ZFHX3: variants seen among roughly 807,000 people sequenced by gnomAD.
ZFHX3 encodes zinc finger homeobox protein 3.
ZFHX3 carries 42 observed loss-of-function variants against 279.1 expected under a neutral mutation model. That is an observed-to-expected ratio of 0.15 (90% CI 0.12 to 0.19). ZFHX3 has a LOEUF of 0.19. Ranked by LOEUF, ZFHX3 falls within the 10% of genes least tolerant of loss-of-function variation. The pLI is 1.00. For missense variants in ZFHX3, 4,981 were observed against 4,754.0 expected (o/e 1.05, Z -1.40); for synonymous variants, 2,293 against 1,957.8 (o/e 1.17, Z -4.52).
chr16:73,421,520 T>G (rs2017718445), intron 3 of ZFHX3: 1 of 152,228 alleles, frequency 6.6e-6, no homozygotes, highest in African/African-American at 2.4e-5. Flanking sequence ...ACATCCGTAT[T>G]TCATTTATAG....
At chr16:73,661,675 T>C (rs1298635745) in intron 2 of ZFHX3, among the ~76,000 whole-genome samples, 1 of 142,282 alleles carries the variant, frequency 7.0e-6, no homozygotes, top group Non-Finnish European at 1.5e-5. Context: ...TGAGTTGAGA[T>C]CCTGCCTCTG....
chr16:73,783,020 T>C (rs963810050), intron 1 of ZFHX3, among the ~76,000 whole-genome samples: 4 of 152,142 alleles, frequency 2.6e-5, no homozygotes, highest in Non-Finnish European at 5.9e-5. Context: ...TGGGGCAATA[T>C]GGAAGTGCTA....
intron 2 of ZFHX3, among the ~76,000 whole-genome samples, chr16:73,580,478 A>C (rs1044506951): frequency 6.9e-6 from 1 of 144,362 alleles, no homozygotes; most frequent in Non-Finnish European, 1.5e-5. Context: ...CTCCGTCTCA[A>C]AAAAACAAAA....
chr16:73,360,122 G>T (rs1040615492), intron 3 of ZFHX3, among the ~76,000 whole-genome samples: 1 of 152,146 alleles, frequency 6.6e-6, no homozygotes, highest in Non-Finnish European at 1.5e-5. Context: ...TGTGCCTCAG[G>T]TTCCTTACAG....
chr16:73,345,612 T>TA (rs2016109934), intron 3 of ZFHX3, among the ~76,000 whole-genome samples: 1 of 152,228 alleles, frequency 6.6e-6, no homozygotes, highest in Non-Finnish European at 1.5e-5. Context: ...GGTGTATATG[T>TA]ACCACATTTT....
intron 4 of ZFHX3, among the ~76,000 whole-genome samples, chr16:72,834,525 A>G (rs954702662): frequency 2.0e-5 from 3 of 152,194 alleles, no homozygotes; most frequent in Non-Finnish European, 4.4e-5. Flanking sequence ...ATGCAAATTG[A>G]TCTCTTAATA....
At chr16:73,879,482 T>G (rs2030072019) in intron 1 of ZFHX3, among the ~76,000 whole-genome samples, 2 of 152,110 alleles carry the variant, frequency 1.3e-5, no homozygotes, top group Non-Finnish European at 2.9e-5. Flanking sequence ...CCTTTCATTC[T>G]GGTTGGTTCG....
intron 2 of ZFHX3, chr16:73,679,628 C>A (rs575949752): frequency 5.3e-5 from 8 of 152,208 alleles, no homozygotes; most frequent in African/African-American, 1.9e-4. Flanking sequence ...GAAATGAATT[C>A]CAACAAACAA....
intron 5 of ZFHX3, among the ~76,000 whole-genome samples, chr16:73,208,229 G>A (rs2011878921): frequency 6.6e-6 from 1 of 152,210 alleles, no homozygotes; most frequent in African/African-American, 2.4e-5. Flanking sequence ...CAGTGGGATA[G>A]TTAGCAAATT....
At chr16:73,151,580 T>TG (rs35578867) in intron 5 of ZFHX3, among the ~76,000 whole-genome samples, 104,252 of 151,830 alleles carry the variant, frequency 0.69, 36,278 homozygotes, top group African/African-American at 0.78. Flanking sequence ...GGCATAGGAA[T>TG]GGCAGTGATG....
intron 3 of ZFHX3, among the ~76,000 whole-genome samples, chr16:72,891,319 C>A (rs370708307): frequency 7.2e-5 from 11 of 152,128 alleles, no homozygotes; most frequent in African/African-American, 1.7e-4. Context: ...CAGGCACAGA[C>A]AGGATTCATG....
intron 4 of ZFHX3, among the ~76,000 whole-genome samples, chr16:73,298,268 C>T (rs1434611952): frequency 7.4e-5 from 11 of 149,584 alleles, no homozygotes; most frequent in African/African-American, 2.3e-4. Context: ...CTGCAACCTC[C>T]GCCCCTCCCA....
chr16:73,254,072 C>G (rs28472360), intron 5 of ZFHX3, among the ~76,000 whole-genome samples: 108,094 of 152,030 alleles, frequency 0.71, 39,392 homozygotes, highest in African/African-American at 0.87. Context: ...CCACTCCCAG[C>G]CTGTTCCAGG....
intron 2 of ZFHX3, among the ~76,000 whole-genome samples, chr16:73,574,548 A>T (rs2051779794): frequency 6.6e-6 from 1 of 152,148 alleles, no homozygotes; most frequent in Non-Finnish European, 1.5e-5. Flanking sequence ...TGACCTGATA[A>T]CCCTCCAGAT....
At chr16:72,869,516 T>G (rs1394318531) in intron 4 of ZFHX3, among the ~76,000 whole-genome samples, 2 of 152,208 alleles carry the variant, frequency 1.3e-5, no homozygotes, top group Non-Finnish European at 2.9e-5. Flanking sequence ...TGTAATAGTT[T>G]CTTTGTCCAC....
At chr16:73,303,969 A>G (rs1329531704) in intron 4 of ZFHX3, among the ~76,000 whole-genome samples, 19 of 121,998 alleles carry the variant, frequency 1.6e-4, no homozygotes, top group East Asian at 1.3e-3. Context: ...GGTGGAAAAA[A>G]AAAAAAAAAA....
At chr16:73,811,683 G>T (rs2142337333) in intron 1 of ZFHX3, among the ~76,000 whole-genome samples, 1 of 152,134 alleles carries the variant, frequency 6.6e-6, no homozygotes, top group South Asian at 2.1e-4. Context: ...CTCACCTCAT[G>T]ATCTGCCCAC....
chr16:73,397,821 G>T (rs1056724325), intron 3 of ZFHX3, among the ~76,000 whole-genome samples: 1 of 140,890 alleles, frequency 7.1e-6, no homozygotes, highest in African/African-American at 2.6e-5. Context: ...AAATGGGGGG[G>T]ACATCAAGAG....
At chr16:73,720,313 T>C (rs1021657421) in intron 1 of ZFHX3, among the ~76,000 whole-genome samples, 2 of 152,156 alleles carry the variant, frequency 1.3e-5, no homozygotes, top group African/African-American at 2.4e-5. Context: ...TATACTTCAG[T>C]GTTAGGGAAT....
Sources: gnomAD v4.1 joint callset for allele counts (sites outside exome capture counted in the v4.1 genomes callset) on GRCh38, gnomAD v4.1.1 for gene constraint, MANE v1.5 for transcripts, NCBI Gene and HGNC (gene_info 2026-07-23, HGNC 2026-07-21) for gene names.